The following ENTREP1 variants were observed in gnomAD, a reference collection of about 807,000 sequenced individuals.
ENTREP1 encodes endosomal transmembrane epsin interactor 1.
chr9:69,329,522 A>G, the ENTREP1 span: 14 of 984,412 alleles, frequency 1.4e-5, no homozygotes, highest in Admixed American at 6.1e-5. Context: ...CATAGTTTTC[A>G]TTCATACTTT....
the ENTREP1 span, chr9:69,384,091 C>A: frequency 8.0e-7 from 1 of 1,247,126 alleles, no homozygotes; most frequent in South Asian, 1.3e-5. Flanking sequence ...GGCAAGGTGG[C>A]TTATCTCTGT....
At chr9:69,363,046 C>T in the ENTREP1 span, among the ~76,000 whole-genome samples, 31 of 152,082 alleles carry the variant, frequency 2.0e-4, no homozygotes, top group Admixed American at 1.0e-3. Context: ...ACACGCATGT[C>T]GCCAGTGCCT....
At chr9:69,358,068 TAG>T in the ENTREP1 span, among the ~76,000 whole-genome samples, 1 of 152,142 alleles carries the variant, frequency 6.6e-6, no homozygotes, top group African/African-American at 2.4e-5. Flanking sequence ...AAATGGCAGT[TAG>T]AGTCTCAGCA....
chr9:69,377,811 C>T, the ENTREP1 span: 3 of 1,481,656 alleles, frequency 2.0e-6, no homozygotes, highest in African/African-American at 4.2e-5. Flanking sequence ...GAAGTGTCTC[C>T]AGAACTCACC....
At chr9:69,384,293 T>C in the ENTREP1 span, among the ~76,000 whole-genome samples, 1 of 152,170 alleles carries the variant, frequency 6.6e-6, no homozygotes, top group African/African-American at 2.4e-5. Context: ...CACCTTTTTC[T>C]CCAGATACAA....
the ENTREP1 span, chr9:69,325,839 G>T: frequency 8.3e-7 from 1 of 1,200,818 alleles, no homozygotes; most frequent in Non-Finnish European, 1.0e-6. Flanking sequence ...GGAGCCTCAC[G>T]CCACCTGAAG....
chr9:69,383,506 A>G, the ENTREP1 span: 1 of 1,522,334 alleles, frequency 6.6e-7, no homozygotes, highest in Non-Finnish European at 8.8e-7. Context: ...GGCCAAGGAG[A>G]CCATGGTATG....
At chr9:69,330,528 A>T in the ENTREP1 span, among the ~76,000 whole-genome samples, 6 of 152,328 alleles carry the variant, frequency 3.9e-5, no homozygotes, top group Non-Finnish European at 8.8e-5. Flanking sequence ...TTTAGGGTGA[A>T]CCTTTGTAAA....
the ENTREP1 span, among the ~76,000 whole-genome samples, chr9:69,379,054 T>C: frequency 4.0e-5 from 6 of 150,566 alleles, no homozygotes; most frequent in Non-Finnish European, 8.8e-5. Context: ...TGTTGAACTT[T>C]TTGAAAGAGA....
the ENTREP1 span, among the ~76,000 whole-genome samples, chr9:69,350,549 T>C: frequency 3.9e-5 from 6 of 152,246 alleles, no homozygotes; most frequent in East Asian, 1.2e-3. Flanking sequence ...TTTCTTTTCA[T>C]TGTATTCTTA....
the ENTREP1 span, among the ~76,000 whole-genome samples, chr9:69,343,554 C>G: frequency 1.3e-5 from 2 of 152,188 alleles, no homozygotes; most frequent in African/African-American, 4.8e-5. Flanking sequence ...GATCCTCCCA[C>G]CTCAGCCTCA....
the ENTREP1 span, among the ~76,000 whole-genome samples, chr9:69,330,911 C>T: frequency 6.6e-6 from 1 of 152,104 alleles, no homozygotes; most frequent in Non-Finnish European, 1.5e-5. Flanking sequence ...TACACGGGAA[C>T]CTGTATCAAT....
the ENTREP1 span, among the ~76,000 whole-genome samples, chr9:69,352,511 C>G: frequency 1.3e-5 from 2 of 152,100 alleles, no homozygotes; most frequent in Non-Finnish European, 2.9e-5. Flanking sequence ...ATAATATTTG[C>G]AATAATAACA....
the ENTREP1 span, among the ~76,000 whole-genome samples, chr9:69,360,286 C>A: frequency 2.6e-5 from 4 of 152,166 alleles, no homozygotes; most frequent in Admixed American, 6.5e-5. Context: ...ATCACTTCAA[C>A]CAATTTCCAA....
chr9:69,340,915 TTTCA>T, the ENTREP1 span, among the ~76,000 whole-genome samples: 1 of 152,206 alleles, frequency 6.6e-6, no homozygotes, highest in African/African-American at 2.4e-5. Flanking sequence ...ATCATTCCTC[TTTCA>T]TTCTAAGAAA....
chr9:69,341,683 C>G, the ENTREP1 span, among the ~76,000 whole-genome samples: 2 of 151,804 alleles, frequency 1.3e-5, no homozygotes, highest in African/African-American at 4.8e-5. Flanking sequence ...CTTTTTTTTC[C>G]TGAGGATATG....
At chr9:69,355,294 T>A in the ENTREP1 span, among the ~76,000 whole-genome samples, 1 of 152,224 alleles carries the variant, frequency 6.6e-6, no homozygotes, top group African/African-American at 2.4e-5. Flanking sequence ...TCAGTAAACA[T>A]TTTTTGAGCA....
chr9:69,345,827 C>T, the ENTREP1 span, among the ~76,000 whole-genome samples: 1 of 151,992 alleles, frequency 6.6e-6, no homozygotes, highest in Non-Finnish European at 1.5e-5. Context: ...TGGTCTCAAA[C>T]TCCTGACCTC....
At chr9:69,338,995 A>G in the ENTREP1 span, among the ~76,000 whole-genome samples, 3 of 152,212 alleles carry the variant, frequency 2.0e-5, no homozygotes, top group African/African-American at 7.2e-5. Context: ...TCAGTATCAT[A>G]AATGAGAAAT....
Sources: gnomAD v4.1 joint callset for allele counts (sites outside exome capture counted in the v4.1 genomes callset) on GRCh38, gnomAD v4.1.1 for gene constraint, MANE v1.5 for transcripts, NCBI Gene and HGNC (gene_info 2026-07-23, HGNC 2026-07-21) for gene names.